EIF4G3: variants seen among roughly 807,000 people sequenced by gnomAD.
EIF4G3 encodes the protein eukaryotic translation initiation factor 4 gamma 3.
Under a neutral mutation model 186.4 loss-of-function variants are expected in EIF4G3, and 34 were observed. The observed-to-expected ratio is 0.18, with a 90% CI of 0.14 to 0.24. The LOEUF (loss-of-function observed/expected upper bound fraction) is 0.24, where lower values mean the gene tolerates loss of function less well. Among genes scored for constraint, EIF4G3 ranks in the 10% least tolerant of loss-of-function variants. The pLI, the probability that EIF4G3 is intolerant of heterozygous loss-of-function variation, is 1.00. For missense variants in EIF4G3, 1,536 were observed against 1,948.5 expected, an observed-to-expected ratio of 0.79 and a Z score of 3.99; for synonymous variants, 673 against 679.5, an observed-to-expected ratio of 0.99 and a Z score of 0.15.
In EIF4G3 at chr1:20,895,543, A is replaced by C. The variant is rs777246693; in HGVS notation, c.2000-42T>G. Reference sequence around the variant, plus strand: ...AGGCAGACACTGTTTGTAGGGCATTATATACAGTCATGCATTGCATAACGA... The same window carrying C: ...AGGCAGACACTGTTTGTAGGGCATTCTATACAGTCATGCATTGCATAACGA... On this transcript the variant is annotated intron_variant, in intron 16 of 36. Transcript: ENST00000602326. 8.1e-6 allele frequency: 13 copies of C among 1,600,042 alleles called. No individual in the cohort carries two copies. In the African/African-American group the frequency reaches 1.6e-4, roughly 20 times the overall value.
intron 2 of EIF4G3, among the ~76,000 whole-genome samples, chr1:21,172,058 G>C (rs1293619468): frequency 7.3e-6 from 1 of 136,518 alleles, no homozygotes; most frequent in Non-Finnish European, 1.5e-5. Context: ...TTATGATACA[G>C]AAAATACTTT....
chr1:20,829,337 A>T (rs893568791), intron 30 of EIF4G3, 65 bp from the exon 31 acceptor site: 1 of 1,574,740 alleles, frequency 6.4e-7, no homozygotes, highest in African/African-American at 1.4e-5. Context: ...TTAAATAAAG[A>T]GATAAAAAAT....
rs1259272324 is a variant in EIF4G3 at position 21,051,371 on chromosome 1, A to G, written c.-195-377T>C. ...AGGAGATGACTACAGAAGAGGAACAAGGAGATTTTTGAGGGTGACAGAACT... is the reference window on the plus strand; with the variant it reads ...AGGAGATGACTACAGAAGAGGAACAGGGAGATTTTTGAGGGTGACAGAACT... On this transcript the variant is annotated intron_variant, in intron 3 of 36. Coordinates refer to ENST00000602326, the MANE Select transcript of EIF4G3 (RefSeq NM_001391906.1). Among the ~76,000 whole-genome samples, 3 of 152,338 alleles carry G rather than the reference A, an allele frequency of 2.0e-5. No homozygotes were observed. In the East Asian group the frequency reaches 5.8e-4, roughly 29 times the overall value.
chr1:21,156,895 T>C (rs1242432869), intron 2 of EIF4G3, among the ~76,000 whole-genome samples: 1 of 151,960 alleles, frequency 6.6e-6, no homozygotes, highest in Admixed American at 6.6e-5. Context: ...GGCAACATAG[T>C]GAAACCTCGT....
intron 21 of EIF4G3, 77 bp from the exon 22 acceptor site, chr1:20,864,789 C>A: frequency 1.6e-6 from 2 of 1,213,252 alleles, no homozygotes; most frequent in South Asian, 2.7e-5. Flanking sequence ...TTCATGGGGT[C>A]AGAATCCCCG....
At chr1:20,808,834 A>G (rs2058662350) in intron 36 of EIF4G3, among the ~76,000 whole-genome samples, 1 of 152,168 alleles carries the variant, frequency 6.6e-6, no homozygotes, top group Non-Finnish European at 1.5e-5. Flanking sequence ...TCATAGTAAA[A>G]CTGAGAATTA....
At chr1:21,073,664 C>G in intron 3 of EIF4G3, 1 of 520,788 alleles carries the variant, frequency 1.9e-6, no homozygotes, top group Admixed American at 1.9e-5. Flanking sequence ...TCCCAACCTT[C>G]TTGGTATAAA....
At chr1:21,024,660 G>A (rs900234501) in intron 4 of EIF4G3, among the ~76,000 whole-genome samples, 2 of 150,328 alleles carry the variant, frequency 1.3e-5, no homozygotes, top group African/African-American at 4.9e-5. Flanking sequence ...GGCGGTGCAA[G>A]ATGTGCTTTG....
At chr1:20,958,488 A>C (rs1240477711) in intron 12 of EIF4G3, among the ~76,000 whole-genome samples, 3 of 152,206 alleles carry the variant, frequency 2.0e-5, no homozygotes, top group Non-Finnish European at 2.9e-5. Context: ...CAACAGGAAC[A>C]AGACAAGGAT....
intron 34 of EIF4G3, among the ~76,000 whole-genome samples, chr1:20,813,990 G>A (rs187695773): frequency 8.7e-4 from 101 of 115,622 alleles, no homozygotes; most frequent in African/African-American, 3.4e-3. Context: ...ACTGTCACCC[G>A]GGCTGGAGTG....
At chr1:21,099,159 C>A (rs914704898) in intron 2 of EIF4G3, among the ~76,000 whole-genome samples, 3 of 152,162 alleles carry the variant, frequency 2.0e-5, no homozygotes, top group African/African-American at 7.2e-5. Context: ...AAATCTCACA[C>A]GTTGGTAGAG....
At chr1:20,826,082 T>G (rs74719870) in intron 32 of EIF4G3, among the ~76,000 whole-genome samples, 1 of 152,212 alleles carries the variant, frequency 6.6e-6, no homozygotes, top group Non-Finnish European at 1.5e-5. Flanking sequence ...CTCCAAAGCT[T>G]ATACTATATG....
chr1:20,840,489 A>C lies in EIF4G3; in HGVS notation c.4061+367T>G, dbSNP rs115959206. On this transcript the variant is annotated intron_variant, in intron 30 of 36. Coordinates refer to ENST00000602326, the MANE Select transcript of EIF4G3 (RefSeq NM_001391906.1). The stretch of plus-strand genomic sequence containing the variant: ...TTTTAAATTTAAGACAATTTTTCAG[A>C]ATTGTTCTCACAAAGAAAAGCTTTT... Among the ~76,000 whole-genome samples the C allele has an allele frequency of 6.0e-3, 915 of 152,374 alleles. 3 individuals carry two copies. The highest frequency in any genetic ancestry group is 0.011 in the Non-Finnish European group (716 of 68,040).
At chr1:20,911,560 CAAAAAAAAAAAAAAAAAAA>C (rs60071144) in intron 14 of EIF4G3, among the ~76,000 whole-genome samples, 40 of 40,720 alleles carry the variant, frequency 9.8e-4, no homozygotes, top group Non-Finnish European at 1.3e-3. Context: ...GACCCTGCCT[CAAAAAAAAAAAAAAAAAAA>C]AAAAAAAAAG....
At chr1:21,100,741 G>A (rs1436569364) in intron 2 of EIF4G3, among the ~76,000 whole-genome samples, 1 of 151,728 alleles carries the variant, frequency 6.6e-6, no homozygotes, top group Non-Finnish European at 1.5e-5. Flanking sequence ...AAGTAGTATG[G>A]CTTATCCTGC....
At chr1:21,027,063 A>G (rs2154571503) in intron 4 of EIF4G3, among the ~76,000 whole-genome samples, 1 of 152,252 alleles carries the variant, frequency 6.6e-6, no homozygotes, top group South Asian at 2.1e-4. Context: ...TTAAAAAGAC[A>G]TACACAAATG....
chr1:21,096,911 G>T (rs957795645), intron 2 of EIF4G3, among the ~76,000 whole-genome samples: 1 of 152,166 alleles, frequency 6.6e-6, no homozygotes, highest in Admixed American at 6.5e-5. Flanking sequence ...TGTGCTAGAA[G>T]TTTCAGTGAT....
At chr1:21,094,091 T>TA (rs1481481482) in intron 2 of EIF4G3, among the ~76,000 whole-genome samples, 1 of 151,650 alleles carries the variant, frequency 6.6e-6, no homozygotes, top group Non-Finnish European at 1.5e-5. Flanking sequence ...CCCTAAAACT[T>TA]AAAGTATAAT....
At chr1:20,928,078 T>G (rs2095048879) in intron 14 of EIF4G3, among the ~76,000 whole-genome samples, 1 of 152,094 alleles carries the variant, frequency 6.6e-6, no homozygotes, top group Admixed American at 6.6e-5. Flanking sequence ...CAGGCTGGTC[T>G]TGAACTCTAC....
Sources: gnomAD v4.1 joint callset for allele counts (sites outside exome capture counted in the v4.1 genomes callset) on GRCh38, gnomAD v4.1.1 for gene constraint, MANE v1.5 for transcripts, NCBI Gene and HGNC (gene_info 2026-07-23, HGNC 2026-07-21) for gene names.